Variants in CCDC14 observed in about 807,000 individuals in gnomAD.
The protein encoded by CCDC14 is coiled-coil domain-containing protein 14.
Under a neutral mutation model 81.4 loss-of-function variants are expected in CCDC14, and 71 were observed. The ratio of observed to expected loss-of-function variants is 0.87; its 90% CI spans 0.72 to 1.06. CCDC14 has a LOEUF of 1.06. CCDC14 is among the 50% of genes least tolerant of loss of function. CCDC14 has a pLI of 0.00. For missense variants in CCDC14, 1,046 were observed against 1,047.3 expected, an observed-to-expected ratio of 1.00 and a Z score of 0.02; for synonymous variants, 332 against 364.8, an observed-to-expected ratio of 0.91 and a Z score of 1.03.
intron 5 of CCDC14, among the ~76,000 whole-genome samples, chr3:123,906,686 G>A (rs948936860): frequency 2.0e-5 from 3 of 152,114 alleles, no homozygotes; most frequent in African/African-American, 7.2e-5. Flanking sequence ...GCTTTCTAGA[G>A]GGGAAAATTA....
chr3:123,936,434 AGT>A (rs2036059279), intron 9 of CCDC14, among the ~76,000 whole-genome samples: 2 of 152,112 alleles, frequency 1.3e-5, no homozygotes, highest in Non-Finnish European at 2.9e-5. Flanking sequence ...ATAAATTTAA[AGT>A]GTGTCATTTT....
chr3:123,945,015 A>G, intron 8 of CCDC14, 25 bp from the exon 9 acceptor site: 1 of 1,523,998 alleles, frequency 6.6e-7, no homozygotes, highest in Non-Finnish European at 8.9e-7. Context: ...AGAAATGAGT[A>G]AAATCAATAT....
chr3:123,902,067 A>G (rs909176433), intron 5 of CCDC14, among the ~76,000 whole-genome samples: 2 of 152,234 alleles, frequency 1.3e-5, no homozygotes, highest in Non-Finnish European at 2.9e-5. Flanking sequence ...CATAACTGCA[A>G]TGGATTCAAA....
At chr3:123,942,438 T>C (rs1224443924) in intron 9 of CCDC14, among the ~76,000 whole-genome samples, 3 of 152,066 alleles carry the variant, frequency 2.0e-5, no homozygotes, top group Admixed American at 6.6e-5. Context: ...AAGATGATAT[T>C]AGATCTTAAA....
chr3:123,932,552 T>C (rs558222281), intron 10 of CCDC14, among the ~76,000 whole-genome samples: 29 of 152,352 alleles, frequency 1.9e-4, no homozygotes, highest in Admixed American at 1.0e-3. Context: ...AATTTTGCTA[T>C]GTAGAAACTG....
the CCDC14 span, among the ~76,000 whole-genome samples, chr3:123,892,219 C>T: frequency 2.0e-5 from 3 of 152,186 alleles, no homozygotes; most frequent in Non-Finnish European, 4.4e-5. Context: ...AAAAACTCAA[C>T]TCTTGCCTTC....
At chr3:123,931,059 A>C in intron 12 of CCDC14, 43 bp downstream of exon 12, 48 of 1,484,996 alleles carry the variant, frequency 3.2e-5, no homozygotes, top group Non-Finnish European at 4.2e-5. Flanking sequence ...AAAACATCTA[A>C]AAATAAAAAA....
downstream of CCDC14, among the ~76,000 whole-genome samples, chr3:123,910,240 T>C (rs1197382703): frequency 6.6e-6 from 1 of 152,214 alleles, no homozygotes; most frequent in African/African-American, 2.4e-5. Flanking sequence ...ACAGCCCTAA[T>C]ATGATCTGCA....
chr3:123,958,709 T>C (rs568713788), intron 1 of CCDC14: 10 of 152,252 alleles, frequency 6.6e-5, no homozygotes, highest in South Asian at 2.1e-4. Flanking sequence ...GAAATTAACA[T>C]TGATACAGAA....
At chr3:123,949,452 C>T (rs1382443040) in intron 5 of CCDC14, 1 of 273,154 alleles carries the variant, frequency 3.7e-6, no homozygotes, top group Non-Finnish European at 7.0e-6. Context: ...AAAGTCCAGT[C>T]AAACTCCTTC....
intron 9 of CCDC14, among the ~76,000 whole-genome samples, chr3:123,941,227 G>A (rs945515779): frequency 3.3e-5 from 5 of 152,084 alleles, no homozygotes; most frequent in African/African-American, 1.2e-4. Flanking sequence ...ACATTTAGTG[G>A]TTGGGGACCA....
chr3:123,890,745 A>G, the CCDC14 span, among the ~76,000 whole-genome samples: 1 of 152,134 alleles, frequency 6.6e-6, no homozygotes, highest in Non-Finnish European at 1.5e-5. Flanking sequence ...TTCCAGGCGA[A>G]TGGTGCAAGC....
At chr3:123,959,424 T>C (rs1021480894) in intron 1 of CCDC14, among the ~76,000 whole-genome samples, 12 of 152,210 alleles carry the variant, frequency 7.9e-5, no homozygotes, top group African/African-American at 2.9e-4. Context: ...CATCTGTACA[T>C]TTTCTTTGGA....
chr3:123,892,496 C>T (rs73184258), downstream of CCDC14, among the ~76,000 whole-genome samples: 8,088 of 152,288 alleles, frequency 0.053, 296 homozygotes, highest in Non-Finnish European at 0.078. Flanking sequence ...GACATTTTCT[C>T]CATTGTCTTC....
chr3:123,956,773 G>A lies in CCDC14; in HGVS notation c.53C>T (p.Thr18Ile). 2 of 1,545,762 alleles carry A rather than the reference G, an allele frequency of 1.3e-6. No individual in the cohort carries two copies. Among genetic ancestry groups the A allele is most frequent in the Non-Finnish European group, 1.8e-6 (2 of 1,142,452 alleles). Residue 18 changes from threonine (T) to isoleucine (I), a missense_variant, in exon 2 of 13, where the codon ACT becomes ATT. By Grantham distance (89) the Thr-to-Ile change is moderately conservative (BLOSUM62 -1). Transcript: ENST00000409697. Reference protein sequence around the residue: ...PGQVLSSGRHTGPAKLTNGKK... With the variant: ...PGQVLSSGRHIGPAKLTNGKK... ...TCCATTTGTTAATTTAGCAGGTCCA[G>A]TGTGCCTTCCTGAAGATAACACCTA...
At chr3:123,916,159 T>C (rs1259509934) in intron 12 of CCDC14, among the ~76,000 whole-genome samples, 1 of 151,824 alleles carries the variant, frequency 6.6e-6, no homozygotes, top group Non-Finnish European at 1.5e-5. Context: ...TCACCACGCC[T>C]GGCTAATTTT....
chr3:123,902,081 A>G (rs535949017), intron 5 of CCDC14, among the ~76,000 whole-genome samples: 1 of 152,344 alleles, frequency 6.6e-6, no homozygotes, highest in East Asian at 1.9e-4. Context: ...ATTCAAACAC[A>G]TCAAAGAAGT....
chr3:123,893,861 C>T (rs1165131760), downstream of CCDC14, among the ~76,000 whole-genome samples: 3 of 152,026 alleles, frequency 2.0e-5, no homozygotes, highest in African/African-American at 7.2e-5. Flanking sequence ...TTTGGAGAAA[C>T]GTCTATCGAA....
intron 12 of CCDC14, among the ~76,000 whole-genome samples, chr3:123,921,770 A>C (rs185035322): frequency 2.6e-4 from 40 of 152,316 alleles, no homozygotes; most frequent in Middle Eastern, 3.4e-3. Flanking sequence ...AAAAAATCTC[A>C]TAATGTTTTA....
Sources: gnomAD v4.1 joint callset for allele counts (sites outside exome capture counted in the v4.1 genomes callset) on GRCh38, gnomAD v4.1.1 for gene constraint, MANE v1.5 for transcripts, NCBI Gene and HGNC (gene_info 2026-07-23, HGNC 2026-07-21) for gene names.